PRKN: variants seen among roughly 807,000 people sequenced by gnomAD.
The protein encoded by PRKN is E3 ubiquitin-protein ligase parkin.
Under a neutral mutation model 59.5 loss-of-function variants are expected in PRKN, and 56 were observed. The observed-to-expected ratio is 0.94, with a 90% CI of 0.76 to 1.18. PRKN has a LOEUF of 1.18. PRKN is among the 50% of genes most tolerant of loss of function. PRKN has a pLI of 0.00. For synonymous variants in PRKN, 250 were observed against 222.1 expected, an observed-to-expected ratio of 1.13 and a Z score of -1.12; for missense variants, 657 against 596.4, an observed-to-expected ratio of 1.10 and a Z score of -1.06.
chr6:161,598,468 A>G (rs928074659), intron 7 of PRKN, among the ~76,000 whole-genome samples: 9 of 152,242 alleles, frequency 5.9e-5, no homozygotes, highest in Non-Finnish European at 4.4e-5. Context: ...GCTTGGTCAC[A>G]TTAAGCATTC....
At chr6:162,667,552 G>A (rs1779147920) in intron 1 of PRKN, among the ~76,000 whole-genome samples, 1 of 151,998 alleles carries the variant, frequency 6.6e-6, no homozygotes, top group Non-Finnish European at 1.5e-5. Context: ...TAAAACTATA[G>A]AACCTTCAAG....
rs1443110247 is a variant in PRKN at position 161,680,748 on chromosome 6, TATATATATATATATATATATATATATA to T, written c.871+104997_871+105023del. ...ATACATATATATATATATATATATA[TATATATATATATATATATATATATATA>T]TTTTTTTTTTTTTTTCTTTTCCTAA... is the stretch of plus-strand genomic sequence containing the variant. On this transcript the variant is annotated intron_variant, in intron 7 of 11. Transcript: ENST00000366898. Among the ~76,000 whole-genome samples, 54 of 12,708 alleles carry T rather than the reference TATATATATATATATATATATATATATA, an allele frequency of 4.2e-3. 1 individual carries two copies. The highest frequency in any genetic ancestry group is 0.036 in the South Asian group (12 of 336). 8.3% of individuals were successfully genotyped at this position (12,708 alleles called of 152,430 possible).
At chr6:162,668,435 T>C (rs1779186483) in intron 1 of PRKN, among the ~76,000 whole-genome samples, 2 of 151,974 alleles carry the variant, frequency 1.3e-5, no homozygotes, top group African/African-American at 4.8e-5. Context: ...AGGCCAGCAA[T>C]GGCAAGAAAG....
At chr6:161,540,808 AG>A (rs1020561634) in intron 9 of PRKN, among the ~76,000 whole-genome samples, 2 of 152,188 alleles carry the variant, frequency 1.3e-5, no homozygotes, top group Non-Finnish European at 2.9e-5. Context: ...TAAGTCCTAT[AG>A]GAAAGAAATT....
intron 9 of PRKN, among the ~76,000 whole-genome samples, chr6:161,513,243 G>T (rs1174631677): frequency 6.6e-6 from 1 of 152,076 alleles, no homozygotes; most frequent in East Asian, 1.9e-4. Context: ...TTGTTTGTTT[G>T]CTTGCTTTGT....
intron 1 of PRKN, among the ~76,000 whole-genome samples, chr6:162,709,081 T>C (rs2128238243): frequency 6.6e-6 from 1 of 152,228 alleles, no homozygotes; most frequent in East Asian, 1.9e-4. Flanking sequence ...TGATGATCTG[T>C]CACTGTCTCC....
At chr6:162,389,604 T>G (rs559892030) in intron 2 of PRKN, among the ~76,000 whole-genome samples, 1 of 152,324 alleles carries the variant, frequency 6.6e-6, no homozygotes, top group East Asian at 1.9e-4. Context: ...GTAACCAGTG[T>G]GTATTGCAGC....
At chr6:162,039,924 G>A (rs920867391) in intron 5 of PRKN, among the ~76,000 whole-genome samples, 99 of 152,260 alleles carry the variant, frequency 6.5e-4, no homozygotes, top group African/African-American at 2.4e-3. Flanking sequence ...CACCCCAAAT[G>A]TTAGTGGATT....
At chr6:162,371,723 C>T (rs962178103) in intron 2 of PRKN, among the ~76,000 whole-genome samples, 21 of 152,138 alleles carry the variant, frequency 1.4e-4, no homozygotes, top group African/African-American at 4.6e-4. Flanking sequence ...GAATCCTAAC[C>T]TTTATTTTTG....
intron 6 of PRKN, among the ~76,000 whole-genome samples, chr6:161,942,757 G>A (rs544227696): frequency 5.3e-5 from 8 of 152,160 alleles, no homozygotes; most frequent in African/African-American, 1.9e-4. Flanking sequence ...ATTTGGAAAC[G>A]TTAAGGTTGG....
intron 1 of PRKN, among the ~76,000 whole-genome samples, chr6:162,704,885 A>G (rs1778283972): frequency 6.6e-6 from 1 of 152,158 alleles, no homozygotes; most frequent in Non-Finnish European, 1.5e-5. Context: ...GAAAAACAGT[A>G]TTTTTCTTAA....
chr6:162,430,142 T>TTGA (rs1218095326), intron 2 of PRKN, among the ~76,000 whole-genome samples: 68 of 146,116 alleles, frequency 4.7e-4, no homozygotes, highest in African/African-American at 1.4e-3. Flanking sequence ...ATGCAGCACT[T>TTGA]TGATGATGAT....
At chr6:161,650,764 A>G (rs1056041794) in intron 7 of PRKN, among the ~76,000 whole-genome samples, 1 of 152,184 alleles carries the variant, frequency 6.6e-6, no homozygotes, top group African/African-American at 2.4e-5. Flanking sequence ...GGCTCCTGGC[A>G]TGGTGTCTGG....
At chr6:161,976,017 C>G (rs1781018143) in intron 5 of PRKN, among the ~76,000 whole-genome samples, 2 of 152,070 alleles carry the variant, frequency 1.3e-5, no homozygotes, top group South Asian at 4.1e-4. Context: ...GTGATTCTCC[C>G]TCCTTGGCTT....
chr6:162,211,675 T>C (rs1278688385), intron 3 of PRKN, among the ~76,000 whole-genome samples: 2 of 152,176 alleles, frequency 1.3e-5, no homozygotes, highest in African/African-American at 4.8e-5. Context: ...ATAATTAGTT[T>C]TGTATAAATA....
chr6:162,204,116 G>C (rs575705706), intron 3 of PRKN, among the ~76,000 whole-genome samples: 1 of 152,142 alleles, frequency 6.6e-6, no homozygotes, highest in South Asian at 2.1e-4. Flanking sequence ...CCTAAAACTA[G>C]GGATGTTTTT....
intron 9 of PRKN, among the ~76,000 whole-genome samples, chr6:161,389,366 A>G (rs1786406933): frequency 6.6e-6 from 1 of 152,222 alleles, no homozygotes; most frequent in South Asian, 2.1e-4. Flanking sequence ...GCCACAATTG[A>G]TCTTCAAGCC....
chr6:162,523,329 C>T lies in PRKN; in HGVS notation c.8-79856G>A, dbSNP rs561506798. Among the ~76,000 whole-genome samples the T allele has an allele frequency of 6.6e-5, 10 of 152,074 alleles. No individual in the cohort carries two copies. In the South Asian group the frequency reaches 8.3e-4, roughly 13 times the overall value. On this transcript the variant is annotated intron_variant, in intron 1 of 11. Coordinates refer to ENST00000366898, the MANE Select transcript of PRKN (RefSeq NM_004562.3). ...GACGAGCTGAAAGTCTCAATGGAAGCGATGGAAAGTAGAAATAGTATAAAA... is the reference window on the plus strand; with the variant it reads ...GACGAGCTGAAAGTCTCAATGGAAGTGATGGAAAGTAGAAATAGTATAAAA...
intron 4 of PRKN, among the ~76,000 whole-genome samples, chr6:162,121,819 A>T (rs150499361): frequency 2.6e-5 from 4 of 152,274 alleles, no homozygotes; most frequent in African/African-American, 9.6e-5. Flanking sequence ...TGACCAAATC[A>T]CATAGGAATG....
Sources: gnomAD v4.1 joint callset for allele counts (sites outside exome capture counted in the v4.1 genomes callset) on GRCh38, gnomAD v4.1.1 for gene constraint, MANE v1.5 for transcripts, NCBI Gene and HGNC (gene_info 2026-07-23, HGNC 2026-07-21) for gene names.